Variants in PARVB observed in about 807,000 individuals in gnomAD.
PARVB encodes the protein beta-parvin.
Under a neutral mutation model 47.0 loss-of-function variants are expected in PARVB, and 46 were observed. The ratio of observed to expected loss-of-function variants is 0.98; its 90% CI spans 0.77 to 1.25. PARVB has a LOEUF of 1.25. Ranked by LOEUF, PARVB falls within the 50% of genes most tolerant of loss-of-function variation. PARVB has a pLI of 0.00. For missense variants in PARVB, 473 were observed against 471.6 expected, an observed-to-expected ratio of 1.00 and a Z score of -0.03; for synonymous variants, 196 against 196.3, an observed-to-expected ratio of 1.00 and a Z score of 0.01.
At chr22:44,005,582 G>A (rs1423093444) in intron 2 of PARVB, among the ~76,000 whole-genome samples, 1 of 152,088 alleles carries the variant, frequency 6.6e-6, no homozygotes, top group Non-Finnish European at 1.5e-5. Flanking sequence ...GGGTACCTAA[G>A]GCTGATTTGC....
chr22:44,004,219 G>A (rs1394636787), intron 2 of PARVB, among the ~76,000 whole-genome samples: 1 of 152,232 alleles, frequency 6.6e-6, no homozygotes, highest in African/African-American at 2.4e-5. Context: ...AGGGAGCCTG[G>A]GTACCCCCTG....
intron 1 of PARVB, among the ~76,000 whole-genome samples, chr22:44,055,672 C>CTATA (rs1182742364): frequency 6.6e-4 from 92 of 139,022 alleles, no homozygotes; most frequent in African/African-American, 2.3e-3. Context: ...CTCTCTCTCT[C>CTATA]TCTCTCTATA....
chr22:43,999,577 C>T, exon 2 of PARVB: 1 of 1,613,066 alleles, frequency 6.2e-7, no homozygotes, highest in Non-Finnish European at 8.5e-7. Flanking sequence ...CAGCTGGGGC[C>T]TGTGCTCCCA....
Position 44,119,021 on chromosome 22 carries a change from G to A in PARVB, c.274-17G>A. On this transcript the variant is annotated splice_polypyrimidine_tract_variant and intron_variant, in intron 3 of 12. Coordinates refer to ENST00000338758, the MANE Select transcript of PARVB (RefSeq NM_013327.5). The stretch of plus-strand genomic sequence containing the variant: ...GGCGCTGGTGGACTGAGGCCATAAT[G>A]CCTGCGTCTCCTGCAGGTCCTCCTC... 6.3e-7 allele frequency: 1 copy of A among 1,581,940 alleles called. No homozygotes were observed. Among genetic ancestry groups the A allele is most frequent in the Non-Finnish European group, 8.7e-7 (1 of 1,150,678 alleles).
intron 12 of PARVB, among the ~76,000 whole-genome samples, chr22:44,164,358 G>A (rs9614353): frequency 0.036 from 5,451 of 152,218 alleles, 137 homozygotes; most frequent in Non-Finnish European, 0.057. Context: ...TGCGTGGGTC[G>A]GAGCTGGAGG....
chr22:44,003,322 A>G (rs971682133), intron 2 of PARVB, among the ~76,000 whole-genome samples: 3 of 152,184 alleles, frequency 2.0e-5, no homozygotes, highest in Admixed American at 6.5e-5. Context: ...TCCCTGAAAT[A>G]CTGAGCGGGC....
At position 44,097,889 on chromosome 22, in the gene PARVB, G is replaced by A. The variant is rs571145094; in HGVS notation, c.203-2164G>A. On this transcript the variant is annotated intron_variant, in intron 2 of 12. Coordinates refer to ENST00000338758, the MANE Select transcript of PARVB (RefSeq NM_013327.5). ...ACCTTTCACAGTCTCTGGGTCAGACGCCCCATTCCTCTCAGTGGTCCCGCC... is the reference window on the plus strand; with the variant it reads ...ACCTTTCACAGTCTCTGGGTCAGACACCCCATTCCTCTCAGTGGTCCCGCC... 9.9e-5 allele frequency among the ~76,000 whole-genome samples: 15 copies of A among 152,264 alleles called. No individual in the cohort carries two copies. In the South Asian group the frequency reaches 2.3e-3, roughly 23 times the overall value.
At chr22:44,084,335 C>G (rs1406359846) in intron 1 of PARVB, among the ~76,000 whole-genome samples, 1 of 152,216 alleles carries the variant, frequency 6.6e-6, no homozygotes, top group Non-Finnish European at 1.5e-5. Flanking sequence ...AGGGGTGGCT[C>G]TCTCTGAGGG....
intron 4 of PARVB, among the ~76,000 whole-genome samples, chr22:44,129,328 A>G (rs548147846): frequency 2.6e-5 from 4 of 152,212 alleles, no homozygotes; most frequent in Middle Eastern, 6.8e-3. Context: ...TGTGACATAA[A>G]TCTCCGTTGT....
At chr22:44,090,306 T>C (rs2052135183) in intron 1 of PARVB, among the ~76,000 whole-genome samples, 1 of 152,164 alleles carries the variant, frequency 6.6e-6, no homozygotes, top group African/African-American at 2.4e-5. Flanking sequence ...TGTGCCCCCC[T>C]CCTCCTGGTC....
chr22:44,071,372 T>A (rs1206110852), intron 1 of PARVB, among the ~76,000 whole-genome samples: 1 of 152,202 alleles, frequency 6.6e-6, no homozygotes, highest in Non-Finnish European at 1.5e-5. Flanking sequence ...TTGCTCAGGA[T>A]CCACTGGGCT....
intron 1 of PARVB, among the ~76,000 whole-genome samples, chr22:44,075,288 G>A (rs189008162): frequency 2.0e-5 from 3 of 152,320 alleles, no homozygotes; most frequent in Admixed American, 6.5e-5. Flanking sequence ...GCATGCACCC[G>A]CAGTGACCCT....
intron 2 of PARVB, among the ~76,000 whole-genome samples, chr22:44,002,701 C>T (rs2050425059): frequency 1.3e-5 from 2 of 152,300 alleles, no homozygotes; most frequent in South Asian, 4.1e-4. Context: ...CCTGTTTTTA[C>T]ATTTACACAT....
chr22:44,137,459 G>A (rs923581739), intron 7 of PARVB, among the ~76,000 whole-genome samples: 1 of 152,220 alleles, frequency 6.6e-6, no homozygotes, highest in African/African-American at 2.4e-5. Flanking sequence ...CTGCTCGTGG[G>A]GAACTGGGAT....
intron 1 of PARVB, chr22:44,086,712 AAC>A: frequency 1.0e-6 from 1 of 980,732 alleles, no homozygotes; most frequent in Non-Finnish European, 1.2e-6. Context: ...ACTGAAGTAC[AAC>A]TGGACTTATT....
At chr22:44,123,230 A>G (rs1415446559) in intron 4 of PARVB, among the ~76,000 whole-genome samples, 1 of 152,018 alleles carries the variant, frequency 6.6e-6, no homozygotes, top group African/African-American at 2.4e-5. Context: ...TCTCTGCATC[A>G]CTCAAATGTA....
rs186206312 is a variant in PARVB at position 44,163,803 on chromosome 22, G to A, written c.946-55G>A. ...GCCGGCTGTCCTCCAGCAGTGGGCC[G>A]TGTGTGGGAACGACTGTTGGACCCT... On this transcript the variant is annotated intron_variant, in intron 11 of 12. Transcript: ENST00000338758. The A allele has an allele frequency of 6.7e-4, 953 of 1,418,106 alleles. 3 individuals are homozygous for A. The African/African-American group carries it at 0.012, about 17-fold the overall frequency. 87.8% of individuals were successfully genotyped at this position (1,418,106 alleles called of 1,614,324 possible).
At chr22:44,004,580 A>G (rs1258624578) in intron 2 of PARVB, among the ~76,000 whole-genome samples, 2 of 152,192 alleles carry the variant, frequency 1.3e-5, no homozygotes, top group Non-Finnish European at 2.9e-5. Context: ...AGGTGGCAAG[A>G]CATGTTTCTC....
intron 2 of PARVB, among the ~76,000 whole-genome samples, chr22:44,095,459 G>A (rs531014408): frequency 6.6e-6 from 1 of 150,964 alleles, no homozygotes; most frequent in Non-Finnish European, 1.5e-5. Flanking sequence ...AGCCGAGATC[G>A]CACCACTGCA....
Sources: gnomAD v4.1 joint callset for allele counts (sites outside exome capture counted in the v4.1 genomes callset) on GRCh38, gnomAD v4.1.1 for gene constraint, MANE v1.5 for transcripts, NCBI Gene and HGNC (gene_info 2026-07-23, HGNC 2026-07-21) for gene names.